The following CRTAC1 variants were observed in gnomAD, a reference collection of about 807,000 sequenced individuals.
The protein encoded by CRTAC1 is cartilage acidic protein 1, also known as acidic secreted protein in cartilage.
Under a neutral mutation model 67.8 loss-of-function variants are expected in CRTAC1, and 37 were observed. That is an observed-to-expected ratio of 0.55 (90% CI 0.42 to 0.72). CRTAC1 has a LOEUF of 0.72. Among genes scored for constraint, CRTAC1 ranks in the 30% least tolerant of loss-of-function variants. The probability of loss-of-function intolerance (pLI) is 0.00; values close to 1 mark genes in which losing one functional copy is unlikely to be tolerated. For synonymous variants in CRTAC1, 348 were observed against 371.0 expected (o/e 0.94, Z 0.71); for missense variants, 780 against 931.6 (o/e 0.84, Z 2.12).
At chr10:98,014,464 G>A (rs554481215) in intron 1 of CRTAC1, among the ~76,000 whole-genome samples, 1 of 152,184 alleles carries the variant, frequency 6.6e-6, no homozygotes, top group African/African-American at 2.4e-5. Context: ...AGCTAAAACA[G>A]ACTGCATGAA....
chr10:97,894,389 G>A (rs1336568444), intron 11 of CRTAC1, among the ~76,000 whole-genome samples: 1 of 151,784 alleles, frequency 6.6e-6, no homozygotes, highest in Non-Finnish European at 1.5e-5. Context: ...CTATATGCAT[G>A]TTGATGCTTT....
chr10:97,936,415 C>T (rs988946067), intron 2 of CRTAC1, 49 bp from the exon 3 acceptor site: 1 of 1,495,600 alleles, frequency 6.7e-7, no homozygotes, highest in South Asian at 1.2e-5. Context: ...GCTGGGCCCA[C>T]CCAGTCCCAT....
chr10:97,949,157 G>T (rs181934702), intron 2 of CRTAC1, among the ~76,000 whole-genome samples: 1 of 152,350 alleles, frequency 6.6e-6, no homozygotes, highest in Admixed American at 6.5e-5. Context: ...ATTAGCAAGA[G>T]ATGTTGAAGG....
chr10:97,900,879 T>G lies in CRTAC1; in HGVS notation c.1133+624A>C, dbSNP rs1564885263. Among the ~76,000 whole-genome samples the G allele has an allele frequency of 2.5e-5, 3 of 121,166 alleles. 1 individual carries two copies. The highest frequency in any genetic ancestry group is 2.3e-4 in the Admixed American group (3 of 13,138). 79.5% of individuals were successfully genotyped at this position (121,166 alleles called of 152,430 possible). A position where few individuals can be genotyped will look rare whatever the true frequency, so the allele number is the denominator to read the frequency against. On this transcript the variant is annotated intron_variant, in intron 8 of 14. Coordinates refer to ENST00000370597, the MANE Select transcript of CRTAC1 (RefSeq NM_018058.7). The stretch of plus-strand genomic sequence containing the variant: ...TGGACCCCGTAGCCCCTTTTCCTGG[T>G]AGTGATTGGAGCCCGTAGCCCCTTT...
chr10:97,915,452 G>C (rs1026646297), intron 5 of CRTAC1, among the ~76,000 whole-genome samples: 2 of 152,238 alleles, frequency 1.3e-5, no homozygotes, highest in Admixed American at 6.5e-5. Context: ...GGACCTCCCA[G>C]CTCCCTGAGT....
chr10:98,003,682 A>C (rs1322580847), intron 2 of CRTAC1, among the ~76,000 whole-genome samples: 1 of 152,206 alleles, frequency 6.6e-6, no homozygotes, highest in African/African-American at 2.4e-5. Flanking sequence ...TTGCCAGGTA[A>C]GATAACCTAT....
chr10:97,887,490 A>G (rs649386), intron 11 of CRTAC1, among the ~76,000 whole-genome samples: 150,658 of 152,266 alleles, frequency 0.99, 74,558 homozygotes, highest in Middle Eastern at 1. Context: ...TGATCCACCC[A>G]GCCTCGGCCT....
intron 2 of CRTAC1, among the ~76,000 whole-genome samples, chr10:97,976,565 G>T (rs2051806925): frequency 6.6e-6 from 1 of 152,210 alleles, no homozygotes; most frequent in South Asian, 2.1e-4. Context: ...TACATGGAAA[G>T]ACCTTACTAC....
At chr10:97,947,349 A>G (rs2051282153) in intron 2 of CRTAC1, among the ~76,000 whole-genome samples, 1 of 152,216 alleles carries the variant, frequency 6.6e-6, no homozygotes, top group South Asian at 2.1e-4. Flanking sequence ...AGGGCCAAAA[A>G]TTGTTGGGGT....
chr10:98,000,055 TG>T (rs1842659233), intron 2 of CRTAC1, among the ~76,000 whole-genome samples: 1 of 152,178 alleles, frequency 6.6e-6, no homozygotes, highest in Admixed American at 6.5e-5. Context: ...AGCTGCCCTA[TG>T]GGAGACTGAG....
At chr10:97,970,562 C>T (rs1179468306) in intron 2 of CRTAC1, among the ~76,000 whole-genome samples, 4 of 152,200 alleles carry the variant, frequency 2.6e-5, no homozygotes, top group Non-Finnish European at 5.9e-5. Flanking sequence ...CAGGCCAGCT[C>T]TCCCCAGCTA....
Position 97,906,061 on chromosome 10 carries a change from C to G in CRTAC1, c.851-1247G>C, listed in dbSNP as rs1459182457. ...GCAGACCACAGGACAATGTAATAGG[C>G]AGTGGGGATCAGAGACCCCAGGACA... is the stretch of plus-strand genomic sequence containing the variant. On this transcript the variant is annotated intron_variant, in intron 6 of 14. Coordinates refer to ENST00000370597, the MANE Select transcript of CRTAC1 (RefSeq NM_018058.7). Among the ~76,000 whole-genome samples, 4 of 152,288 alleles carry G rather than the reference C, an allele frequency of 2.6e-5. No homozygotes were observed. The East Asian group carries it at 7.7e-4, about 29-fold the overall frequency.
At chr10:97,966,681 T>G (rs2051621363) in intron 2 of CRTAC1, among the ~76,000 whole-genome samples, 1 of 152,232 alleles carries the variant, frequency 6.6e-6, no homozygotes. Flanking sequence ...ACGTTACATT[T>G]AATTGTCATA....
At chr10:97,894,056 A>G (rs2050415713) in intron 11 of CRTAC1, among the ~76,000 whole-genome samples, 1 of 152,212 alleles carries the variant, frequency 6.6e-6, no homozygotes, top group Non-Finnish European at 1.5e-5. Flanking sequence ...CTATGAACAA[A>G]TGTAAAGATG....
intron 3 of CRTAC1, among the ~76,000 whole-genome samples, chr10:97,928,532 AC>A (rs2050955894): frequency 6.6e-6 from 1 of 152,010 alleles, no homozygotes; most frequent in South Asian, 2.1e-4. Context: ...TATTTTCATG[AC>A]CCCTTTACGT....
intron 2 of CRTAC1, among the ~76,000 whole-genome samples, chr10:97,942,861 G>T (rs1224359203): frequency 6.6e-6 from 1 of 151,878 alleles, no homozygotes; most frequent in Non-Finnish European, 1.5e-5. Flanking sequence ...GAGCCCAGGT[G>T]GTTGAGACCA....
At chr10:97,865,780 C>A in intron 14 of CRTAC1, 66 bp from the exon 15 acceptor site, 1 of 1,478,432 alleles carries the variant, frequency 6.8e-7, no homozygotes, top group East Asian at 2.4e-5. Flanking sequence ...TACCAGAGCA[C>A]CCGCTTCTGA....
At chr10:98,011,363 C>T (rs1842905402) in intron 1 of CRTAC1, 26 bp from the exon 2 acceptor site, 1 of 1,612,190 alleles carries the variant, frequency 6.2e-7, no homozygotes, top group Non-Finnish European at 8.5e-7. Flanking sequence ...ACAAATGTTA[C>T]CGAAAGAACC....
chr10:97,966,638 C>T (rs1381071398), intron 2 of CRTAC1, among the ~76,000 whole-genome samples: 1 of 152,102 alleles, frequency 6.6e-6, no homozygotes, highest in East Asian at 1.9e-4. Flanking sequence ...CCCTAATGTC[C>T]CTTTTCTGTT....
Sources: gnomAD v4.1 joint callset for allele counts (sites outside exome capture counted in the v4.1 genomes callset) on GRCh38, gnomAD v4.1.1 for gene constraint, MANE v1.5 for transcripts, NCBI Gene and HGNC (gene_info 2026-07-23, HGNC 2026-07-21) for gene names.